The following OTOGL variants were observed in gnomAD, a reference collection of about 807,000 sequenced individuals.
OTOGL encodes the protein otogelin-like protein.
Under a neutral mutation model 318.5 loss-of-function variants are expected in OTOGL, and 285 were observed. The observed-to-expected ratio is 0.89, with a 90% confidence interval of 0.81 to 0.99. The LOEUF is 0.99. Ranked by LOEUF, OTOGL falls within the 50% of genes least tolerant of loss-of-function variation. The pLI, the probability that OTOGL is intolerant of heterozygous loss-of-function variation, is 0.00. For synonymous variants in OTOGL, 987 were observed against 936.5 expected, an observed-to-expected ratio of 1.05 and a Z score of -0.99; for missense variants, 2,899 against 2,845.6, an observed-to-expected ratio of 1.02 and a Z score of -0.43.
intron 43 of OTOGL, among the ~76,000 whole-genome samples, chr12:80,340,999 C>A (rs923078357): frequency 7.5e-5 from 11 of 146,500 alleles, no homozygotes; most frequent in Non-Finnish European, 1.3e-4. Flanking sequence ...AAAGGTGAGG[C>A]ATTGCAACCT....
At chr12:80,164,020 T>C (rs17006445) in intron 1 of OTOGL, among the ~76,000 whole-genome samples, 2,282 of 152,166 alleles carry the variant, frequency 0.015, 56 homozygotes, top group African/African-American at 0.052. Context: ...GACTGAGAGA[T>C]AGAAGGTGGG....
At chr12:80,286,569 C>T (rs961119761) in intron 26 of OTOGL, among the ~76,000 whole-genome samples, 4 of 152,200 alleles carry the variant, frequency 2.6e-5, no homozygotes, top group African/African-American at 9.6e-5. Flanking sequence ...TTGGTCTATT[C>T]AGGGATTTGA....
At chr12:80,099,964 C>A (rs1565860385) in intron 1 of OTOGL, among the ~76,000 whole-genome samples, 2 of 152,160 alleles carry the variant, frequency 1.3e-5, no homozygotes, top group Non-Finnish European at 2.9e-5. Context: ...GCTGTTATTA[C>A]TGTTGCTTCA....
At chr12:80,304,408 T>A (rs1265052896) in intron 28 of OTOGL, among the ~76,000 whole-genome samples, 2 of 152,206 alleles carry the variant, frequency 1.3e-5, no homozygotes, top group Non-Finnish European at 2.9e-5. Context: ...AACATTGATG[T>A]ATTTTTTTAA....
At chr12:80,153,543 T>C (rs1341046388) in intron 1 of OTOGL, among the ~76,000 whole-genome samples, 1 of 152,212 alleles carries the variant, frequency 6.6e-6, no homozygotes, top group Non-Finnish European at 1.5e-5. Context: ...TGAACCTACA[T>C]TGACACATCA....
chr12:80,100,540 A>G (rs1869077011), intron 1 of OTOGL, among the ~76,000 whole-genome samples: 1 of 152,192 alleles, frequency 6.6e-6, no homozygotes, highest in African/African-American at 2.4e-5. Context: ...GCTCATATAA[A>G]CCCATATAAT....
At chr12:80,312,604 A>G (rs1196915381) in intron 30 of OTOGL, among the ~76,000 whole-genome samples, 3 of 152,120 alleles carry the variant, frequency 2.0e-5, no homozygotes, top group Non-Finnish European at 2.9e-5. Flanking sequence ...TAGGTAGACT[A>G]AAGTCTTGTT....
chr12:80,248,427 T>G (rs951489194), intron 11 of OTOGL, among the ~76,000 whole-genome samples: 6 of 144,614 alleles, frequency 4.1e-5, no homozygotes, highest in Middle Eastern at 3.3e-3. Context: ...CTTATGAAGC[T>G]TAGTTTGGCT....
intron 1 of OTOGL, among the ~76,000 whole-genome samples, chr12:80,170,780 T>A (rs1235020013): frequency 6.6e-6 from 1 of 152,180 alleles, no homozygotes; most frequent in Non-Finnish European, 1.5e-5. Flanking sequence ...TTATTTTGTA[T>A]ACTCTGTCAG....
intron 1 of OTOGL, among the ~76,000 whole-genome samples, chr12:80,198,584 A>AAAT (rs201298326): frequency 0.016 from 2,349 of 151,482 alleles, 54 homozygotes; most frequent in African/African-American, 0.046. Context: ...CTCCATCTCC[A>AAAT]AATAATAATA....
chr12:80,335,483 A>G (rs1184024202), intron 38 of OTOGL, among the ~76,000 whole-genome samples: 2 of 152,138 alleles, frequency 1.3e-5, no homozygotes, highest in Non-Finnish European at 2.9e-5. Flanking sequence ...TGTGAGTTAC[A>G]TATAAAATTA....
chr12:80,317,110 G>C (rs2137817498), intron 32 of OTOGL, among the ~76,000 whole-genome samples: 1 of 152,214 alleles, frequency 6.6e-6, no homozygotes, highest in Non-Finnish European at 1.5e-5. Flanking sequence ...AAAATGTAAA[G>C]CTTGCATTTG....
At chr12:80,364,373 T>A (rs1344688124) in intron 52 of OTOGL, among the ~76,000 whole-genome samples, 1 of 152,200 alleles carries the variant, frequency 6.6e-6, no homozygotes, top group East Asian at 1.9e-4. Context: ...GAAAAATGTA[T>A]GTTAGGCCTT....
intron 9 of OTOGL, among the ~76,000 whole-genome samples, chr12:80,236,288 T>A (rs981068770): frequency 3.3e-5 from 5 of 152,190 alleles, no homozygotes; most frequent in Admixed American, 3.3e-4. Context: ...TAATAATTAA[T>A]AATGCCTGCC....
Position 80,267,310 on chromosome 12 carries a change from C to T in OTOGL, c.2448C>T (p.Pro816=). The T allele has an allele frequency of 6.5e-7, 1 of 1,546,588 alleles. No individual in the cohort carries two copies. The highest frequency in any genetic ancestry group is 8.9e-7 in the Non-Finnish European group (1 of 1,129,180). Residue 816 remains proline, a synonymous_variant, in exon 22 of 59, where the codon CCC becomes CCT. Transcript: ENST00000547103. The part of the protein sequence containing the change: ...GSVYQPGELI[P]TPSGLCQCSN... Reference sequence around the variant, plus strand: ...TTTATCAACCTGGAGAGCTCATCCCCACACCCTCGGGCTTATGGTAGGTTT... The same window carrying T: ...TTTATCAACCTGGAGAGCTCATCCCTACACCCTCGGGCTTATGGTAGGTTT...
rs368045051 is a variant in OTOGL at position 80,336,534 on chromosome 12, C to A, written c.4722C>A (p.Ile1574=). Residue 1574 remains isoleucine, a synonymous_variant, in exon 40 of 59, where the codon ATC becomes ATA. Transcript: ENST00000547103. ...CTGGTGAAATTATAGTTGCTCATAT[C>A]GAAAAATGTTCCATGAATCAGGTGG... ...RIPGEIIVAH[I]EKCSMNQNGN... The A allele has an allele frequency of 4.4e-6, 7 of 1,607,986 alleles. No homozygotes were observed. Among genetic ancestry groups the A allele is most frequent in the South Asian group, 2.2e-5 (2 of 90,146 alleles).
intron 57 of OTOGL, among the ~76,000 whole-genome samples, chr12:80,372,684 A>G (rs953784141): frequency 8.3e-5 from 12 of 144,614 alleles, no homozygotes; most frequent in African/African-American, 3.4e-4. Context: ...GGTTTATTTC[A>G]TAGTAATTGT....
rs529632330 is a variant in OTOGL at position 80,110,212 on chromosome 12, C to T, written c.-20+10607C>T. ...CCTCCCGAGTAGCTGGGACTACAGG[C>T]GCCCGCCACCACACCCGGCTAATTT... On this transcript the variant is annotated intron_variant, in intron 1 of 58. Coordinates refer to ENST00000547103, the MANE Select transcript of OTOGL (RefSeq NM_001378609.3). Among the ~76,000 whole-genome samples the T allele has an allele frequency of 1.1e-4, 16 of 151,932 alleles. No homozygotes were observed. The South Asian group carries it at 2.9e-3, about 28-fold the overall frequency.
intron 1 of OTOGL, among the ~76,000 whole-genome samples, chr12:80,141,235 A>C (rs1392056313): frequency 1.3e-5 from 2 of 152,262 alleles, no homozygotes; most frequent in East Asian, 3.9e-4. Flanking sequence ...CTAGAGATAA[A>C]AGTAAGCCGT....
Sources: gnomAD v4.1 joint callset for allele counts (sites outside exome capture counted in the v4.1 genomes callset) on GRCh38, gnomAD v4.1.1 for gene constraint, MANE v1.5 for transcripts, NCBI Gene and HGNC (gene_info 2026-07-23, HGNC 2026-07-21) for gene names.